Variants in CDKN2B-AS1 observed in about 807,000 individuals in gnomAD.
CDKN2B-AS1 encodes the protein CDKN2B and CDKN2A antisense cis and trans regulatory RNA 1.
chr9:22,117,523 G>A (rs1825982799), intron 4 of CDKN2B-AS1: 1 of 152,214 alleles, frequency 6.6e-6, no homozygotes, highest in African/African-American at 2.4e-5. Flanking sequence ...CGTGGGAGAG[G>A]AGAGGAGGAT....
chr9:22,124,615 T>C (rs1472267875), intron 4 of CDKN2B-AS1, among the ~76,000 whole-genome samples: 1 of 152,258 alleles, frequency 6.6e-6, no homozygotes, highest in African/African-American at 2.4e-5. Context: ...ACTTAACCTC[T>C]ATTTTTTAAA....
chr9:22,069,834 T>C (rs1824215519), intron 4 of CDKN2B-AS1, among the ~76,000 whole-genome samples: 1 of 152,148 alleles, frequency 6.6e-6, no homozygotes, highest in Admixed American at 6.5e-5. Context: ...CCTTCTTGCT[T>C]CCCCAGTCTC....
At chr9:22,024,085 A>G (rs937907167) in intron 1 of CDKN2B-AS1, among the ~76,000 whole-genome samples, 17 of 152,058 alleles carry the variant, frequency 1.1e-4, no homozygotes, top group Non-Finnish European at 2.2e-4. Flanking sequence ...TCTACCTTCA[A>G]TCTTTGAGGT....
intron 4 of CDKN2B-AS1, among the ~76,000 whole-genome samples, chr9:22,062,394 G>C (rs1823856909): frequency 6.6e-6 from 1 of 152,160 alleles, no homozygotes; most frequent in South Asian, 2.1e-4. Context: ...TCATTTCTGG[G>C]CACAGCTTGA....
chr9:22,081,182 A>C (rs1011934731), intron 4 of CDKN2B-AS1, among the ~76,000 whole-genome samples: 2 of 150,858 alleles, frequency 1.3e-5, no homozygotes, highest in Non-Finnish European at 2.9e-5. Context: ...TGTCATGTAC[A>C]TTTTGTCATA....
intron 1 of CDKN2B-AS1, among the ~76,000 whole-genome samples, chr9:22,031,694 A>C (rs1230016443): frequency 6.6e-6 from 1 of 152,222 alleles, no homozygotes; most frequent in Non-Finnish European, 1.5e-5. Flanking sequence ...GGTTAGCCTA[A>C]GATAGCTTTT....
rs1360642336 is a variant in CDKN2B-AS1 at position 22,006,323 on chromosome 9, G to T, written n.29+11162G>T. The T allele has an allele frequency of 6.3e-7, 1 of 1,583,008 alleles. No homozygotes were observed. The highest frequency in any genetic ancestry group is 8.5e-7 in the Non-Finnish European group (1 of 1,170,398). ...GATGCCGGCCGGGGCAAGGCAGGTG[G>T]AGCCATTTAAAGAAACACCTAATTG... On this transcript the variant is annotated intron_variant and non_coding_transcript_variant, in intron 1 of 4. Coordinates refer to ENST00000650946, the Ensembl canonical transcript of CDKN2B-AS1. The surrounding 1 kb of genome is among the most constrained non-coding windows in gnomAD (Gnocchi z 6.4).
chr9:22,079,919 T>C (rs2131328063), intron 4 of CDKN2B-AS1, among the ~76,000 whole-genome samples: 1 of 152,350 alleles, frequency 6.6e-6, no homozygotes, highest in Non-Finnish European at 1.5e-5. Context: ...TCTTCCCCCA[T>C]GCCTTTGGTG....
Position 21,996,548 on chromosome 9 carries a change from G to A in CDKN2B-AS1, n.29+1387G>A, listed in dbSNP as rs566553063. Among the ~76,000 whole-genome samples the A allele has an allele frequency of 1.1e-4, 16 of 152,112 alleles. No individual in the cohort carries two copies. Among genetic ancestry groups the A allele is most frequent in the Admixed American group, 3.3e-4 (5 of 15,272 alleles). On this transcript the variant is annotated intron_variant and non_coding_transcript_variant, in intron 1 of 4. Coordinates refer to ENST00000650946, the Ensembl canonical transcript of CDKN2B-AS1. The surrounding 1 kb of genome is among the most constrained non-coding windows in gnomAD (Gnocchi z 5.4). ...TGATTTTTTTCTTTATAGCACTTAG[G>A]ACGAAGAGATTATTTTACTTATGTA...
chr9:22,059,476 T>C (rs543665338), intron 4 of CDKN2B-AS1, among the ~76,000 whole-genome samples: 27 of 152,178 alleles, frequency 1.8e-4, no homozygotes, highest in Non-Finnish European at 3.7e-4. Context: ...GTTGCCATGG[T>C]CTTGGGCAGC....
chr9:22,120,908 A>G (rs1425823114), intron 4 of CDKN2B-AS1: 1 of 152,146 alleles, frequency 6.6e-6, no homozygotes, highest in Non-Finnish European at 1.5e-5. Context: ...TGTAATCCTC[A>G]TAACAACCTT....
intron 1 of CDKN2B-AS1, among the ~76,000 whole-genome samples, chr9:22,020,632 G>T (rs1042392340): frequency 1.3e-5 from 2 of 152,162 alleles, no homozygotes; most frequent in African/African-American, 4.8e-5. Context: ...AATGATCAGT[G>T]ATGTTGAGCT....
chr9:22,086,224 T>C (rs1380832988), intron 4 of CDKN2B-AS1, among the ~76,000 whole-genome samples: 1 of 152,192 alleles, frequency 6.6e-6, no homozygotes, highest in Admixed American at 6.5e-5. Flanking sequence ...TCAGTGTTTG[T>C]TTAATGGCCC....
At position 22,125,267 on chromosome 9, in the gene CDKN2B-AS1, C is replaced by G. The variant is rs79944118; in HGVS notation, n.439-1836C>G. ...GGCTGCTGACTCTGAAGATCATACC[C>G]GAAGTAGAGCTGCAAAGATATTTGG... On this transcript the variant is annotated intron_variant and non_coding_transcript_variant, in intron 4 of 4. Coordinates refer to ENST00000650946, the Ensembl canonical transcript of CDKN2B-AS1. Among the ~76,000 whole-genome samples, 689 of 152,254 alleles carry G rather than the reference C, an allele frequency of 4.5e-3. 9 individuals are homozygous for G. The highest frequency in any genetic ancestry group is 0.016 in the African/African-American group (652 of 41,540).
chr9:22,040,172 A>G lies in CDKN2B-AS1; in HGVS notation n.30-6579A>G, dbSNP rs993091372. Among the ~76,000 whole-genome samples the G allele has an allele frequency of 2.6e-5, 4 of 152,032 alleles. No homozygotes were observed. The South Asian group carries it at 8.3e-4, about 31-fold the overall frequency. The stretch of plus-strand genomic sequence containing the variant: ...CCACTCAGTTTGTGGCACTTTGTAC[A>G]GCAGTCCTAGCCGACTAACACACCA... On this transcript the variant is annotated intron_variant and non_coding_transcript_variant, in intron 1 of 4. Coordinates refer to ENST00000650946, the Ensembl canonical transcript of CDKN2B-AS1.
intron 1 of CDKN2B-AS1, among the ~76,000 whole-genome samples, chr9:22,043,296 A>C (rs888950380): frequency 1.4e-4 from 22 of 152,014 alleles, no homozygotes; most frequent in Non-Finnish European, 7.4e-5. Flanking sequence ...TTTCATATTC[A>C]TAGATTTTTT....
intron 4 of CDKN2B-AS1, among the ~76,000 whole-genome samples, chr9:22,107,409 C>A (rs1825688400): frequency 6.6e-6 from 1 of 152,166 alleles, no homozygotes; most frequent in Non-Finnish European, 1.5e-5. Context: ...AGCCTTTGCA[C>A]TCTCAGTCTA....
At chr9:22,004,304 A>G (rs1821062683) in intron 1 of CDKN2B-AS1, 2 of 232,252 alleles carry the variant, frequency 8.6e-6, no homozygotes, top group African/African-American at 4.4e-5. Context: ...TCCACTCTCA[A>G]ATGACTTGTT....
intron 1 of CDKN2B-AS1, chr9:22,030,545 A>G (rs1477468523): frequency 6.6e-6 from 1 of 152,178 alleles, no homozygotes; most frequent in Non-Finnish European, 1.5e-5. Flanking sequence ...AGAGGTGGAA[A>G]AAGATGAGGT....
Sources: allele counts gnomAD v4.1 joint callset (sites outside exome capture counted in the v4.1 genomes callset), GRCh38; gene constraint gnomAD v4.1.1; non-coding constraint Gnocchi (gnomAD v3.1); transcripts MANE v1.5; gene names NCBI Gene and HGNC (gene_info 2026-07-23, HGNC 2026-07-21).